MTMR7: variants seen among roughly 807,000 people sequenced by gnomAD.
MTMR7 encodes the protein myotubularin related protein 7.
A neutral mutation model predicts 81.2 loss-of-function variants in MTMR7; 76 were observed. That is an observed-to-expected ratio of 0.94 (90% CI 0.78 to 1.13). MTMR7 has a LOEUF of 1.13. MTMR7 is among the 50% of genes most tolerant of loss of function. MTMR7 has a pLI of 0.00. For synonymous variants in MTMR7, 372 were observed against 289.8 expected (o/e 1.28, Z -2.88); for missense variants, 1,044 against 820.0 (o/e 1.27, Z -3.34).
chr8:17,394,003 A>T (rs1481248834), intron 1 of MTMR7, among the ~76,000 whole-genome samples: 1 of 152,226 alleles, frequency 6.6e-6, no homozygotes, highest in Non-Finnish European at 1.5e-5. Flanking sequence ...ACCACAAGAT[A>T]CCGCTTCACA....
At chr8:17,302,332 T>C (rs1476896489) in intron 12 of MTMR7, 52 bp from the exon 13 acceptor site, 2 of 1,564,216 alleles carry the variant, frequency 1.3e-6, no homozygotes, top group African/African-American at 1.4e-5. Context: ...GTCTGAAAAT[T>C]CACATCCTCA....
At chr8:17,305,675 A>G in intron 11 of MTMR7, 82 bp downstream of exon 11, 17 of 1,300,944 alleles carry the variant, frequency 1.3e-5, no homozygotes, top group Non-Finnish European at 1.8e-5. Flanking sequence ...AAAGTCTTCA[A>G]AATTATGAAA....
At chr8:17,335,699 T>C (rs1379595601) in intron 6 of MTMR7, among the ~76,000 whole-genome samples, 12 of 152,218 alleles carry the variant, frequency 7.9e-5, no homozygotes, top group Admixed American at 7.8e-4. Context: ...GACACAAACA[T>C]GTGAGTTGAT....
intron 1 of MTMR7, among the ~76,000 whole-genome samples, chr8:17,386,220 A>T (rs971308034): frequency 6.6e-6 from 1 of 152,244 alleles, no homozygotes; most frequent in East Asian, 1.9e-4. Flanking sequence ...TACCAAAAAA[A>T]TTTAAAAATT....
In MTMR7 at chr8:17,313,400, C is replaced by A. The variant is rs1307859367; in HGVS notation, c.867G>T (p.Val289=). 1.2e-6 allele frequency: 2 copies of A among 1,603,656 alleles called. No homozygotes were observed. Among genetic ancestry groups the A allele is most frequent in the Non-Finnish European group, 1.7e-6 (2 of 1,171,938 alleles). ...MRNSLQKMLE[V]CELKSPSMSD... ...TCATGGAGGGAGATTTAAGTTCACA[C>A]ACTGCAAGATAAATCATGTTATAAA... Residue 289 remains valine (V), a splice_region_variant and synonymous_variant, in exon 8 of 14, where the codon GTG becomes GTT. Coordinates refer to ENST00000180173, the MANE Select transcript of MTMR7 (RefSeq NM_004686.5).
intron 1 of MTMR7, among the ~76,000 whole-genome samples, chr8:17,397,747 G>C (rs892507434): frequency 6.6e-6 from 1 of 152,140 alleles, no homozygotes; most frequent in Non-Finnish European, 1.5e-5. Context: ...CCAGGTAGTG[G>C]TTACAGTGGA....
intron 3 of MTMR7, among the ~76,000 whole-genome samples, chr8:17,363,319 C>G (rs1820114911): frequency 1.3e-5 from 2 of 152,146 alleles, no homozygotes; most frequent in Non-Finnish European, 2.9e-5. Flanking sequence ...CTTGAGAAAG[C>G]CTCAGTTCCC....
At chr8:17,359,955 T>G (rs1274844264) in intron 4 of MTMR7, among the ~76,000 whole-genome samples, 1 of 152,138 alleles carries the variant, frequency 6.6e-6, no homozygotes, top group Non-Finnish European at 1.5e-5. Context: ...AATGCTATCT[T>G]TTAAAAAAAT....
intron 1 of MTMR7, among the ~76,000 whole-genome samples, chr8:17,393,909 C>A (rs1185579183): frequency 1.3e-5 from 2 of 152,190 alleles, no homozygotes; most frequent in African/African-American, 4.8e-5. Flanking sequence ...ACAGATATTT[C>A]TCCAAAGAAG....
intron 7 of MTMR7, among the ~76,000 whole-genome samples, chr8:17,313,934 G>A (rs2150492357): frequency 6.6e-6 from 1 of 152,324 alleles, no homozygotes; most frequent in East Asian, 1.9e-4. Context: ...CCCAATGGGA[G>A]TAAGGCCTGT....
chr8:17,398,064 G>C (rs1421646638), intron 1 of MTMR7, among the ~76,000 whole-genome samples: 2 of 152,076 alleles, frequency 1.3e-5, no homozygotes, highest in East Asian at 3.9e-4. Flanking sequence ...TACCTGGAAG[G>C]TTCCAATAAA....
intron 1 of MTMR7, among the ~76,000 whole-genome samples, chr8:17,377,495 T>C (rs1820626153): frequency 6.6e-6 from 1 of 152,130 alleles, no homozygotes; most frequent in Non-Finnish European, 1.5e-5. Flanking sequence ...GTTGGATATA[T>C]CAACTTTATT....
chr8:17,373,147 T>C lies in MTMR7; in HGVS notation c.118A>G (p.Asn40Asp). 6.2e-7 allele frequency: 1 copy of C among 1,613,882 alleles called. No individual in the cohort carries two copies. Among genetic ancestry groups the C allele is most frequent in the Non-Finnish European group, 8.5e-7 (1 of 1,179,858 alleles). Residue 40 changes from asparagine (N) to aspartate (D), a missense_variant, in exon 2 of 14, where the codon AAT becomes GAT. Asn to Asp is a conservative substitution (Grantham distance 23, BLOSUM62 1). Transcript: ENST00000180173. ...LTATHVIFVENSPDPRKETWI... is the reference protein window; with the variant it reads ...LTATHVIFVEDSPDPRKETWI... ...GTTTCTTTTCTTGGGTCAGGTGAAT[T>C]TTCCACGAATATGACATGGGTAGCC...
chr8:17,343,809 CAT>C (rs1183306663), intron 5 of MTMR7, among the ~76,000 whole-genome samples: 5 of 152,150 alleles, frequency 3.3e-5, no homozygotes, highest in African/African-American at 7.2e-5. Context: ...TAATTGCTAA[CAT>C]GTGGTTTTCA....
chr8:17,312,401 C>T (rs1168662480), intron 8 of MTMR7, among the ~76,000 whole-genome samples: 1 of 151,896 alleles, frequency 6.6e-6, no homozygotes, highest in African/African-American at 2.4e-5. Flanking sequence ...ATGGTGAAAC[C>T]CCGTCTCTAC....
intron 6 of MTMR7, among the ~76,000 whole-genome samples, chr8:17,339,425 C>G (rs1157080999): frequency 6.6e-6 from 1 of 152,160 alleles, no homozygotes; most frequent in Admixed American, 6.5e-5. Context: ...GGTCACTCAC[C>G]ATTTCTCTCC....
At chr8:17,329,798 A>C (rs1818901689) in intron 7 of MTMR7, among the ~76,000 whole-genome samples, 2 of 152,210 alleles carry the variant, frequency 1.3e-5, no homozygotes, top group African/African-American at 2.4e-5. Context: ...ATAATCTCCA[A>C]AAGTTGAAGC....
At chr8:17,364,974 T>A (rs1820182022) in intron 3 of MTMR7, among the ~76,000 whole-genome samples, 1 of 152,256 alleles carries the variant, frequency 6.6e-6, no homozygotes, top group Admixed American at 6.5e-5. Context: ...ATTTTTTGTT[T>A]GTTGTGGAAC....
chr8:17,305,362 C>A (rs1259362993), intron 11 of MTMR7, among the ~76,000 whole-genome samples: 3 of 152,186 alleles, frequency 2.0e-5, no homozygotes, highest in Non-Finnish European at 2.9e-5. Flanking sequence ...CAGTTTTAAT[C>A]TGAATAAATT....
Sources: gnomAD v4.1 joint callset for allele counts (sites outside exome capture counted in the v4.1 genomes callset) on GRCh38, gnomAD v4.1.1 for gene constraint, MANE v1.5 for transcripts, NCBI Gene and HGNC (gene_info 2026-07-23, HGNC 2026-07-21) for gene names.